The following ISLR2 variants were observed in gnomAD, a reference collection of about 807,000 sequenced individuals.
ISLR2 encodes the protein immunoglobulin superfamily containing leucine rich repeat 2.
Under a neutral mutation model 25.5 loss-of-function variants are expected in ISLR2, and 16 were observed. The ratio of observed to expected loss-of-function variants is 0.63; its 90% CI spans 0.43 to 0.95. ISLR2 has a LOEUF of 0.95. Among genes scored for constraint, ISLR2 ranks in the 40% least tolerant of loss-of-function variants. The pLI, the probability that ISLR2 is intolerant of heterozygous loss-of-function variation, is 0.00. For missense variants in ISLR2, 883 were observed against 1,030.7 expected, an observed-to-expected ratio of 0.86 and a Z score of 1.96; for synonymous variants, 508 against 486.6, an observed-to-expected ratio of 1.04 and a Z score of -0.58.
At chr15:74,108,235 C>G (rs1301201856) in intron 2 of ISLR2, among the ~76,000 whole-genome samples, 2 of 152,174 alleles carry the variant, frequency 1.3e-5, no homozygotes, top group African/African-American at 2.4e-5. Flanking sequence ...AAGGCTGAGG[C>G]CCAGCACACC....
chr15:74,104,880 CT>C (rs1227052752), intron 2 of ISLR2, among the ~76,000 whole-genome samples: 2 of 137,128 alleles, frequency 1.5e-5, no homozygotes, highest in South Asian at 5.3e-4. Context: ...GCCACTGCCC[CT>C]GGCCTTACAA....
chr15:74,129,090 A>G (rs1362049311), upstream of ISLR2: 4 of 456,084 alleles, frequency 8.8e-6, no homozygotes, highest in South Asian at 1.6e-5. The surrounding 1 kb of genome is among the most constrained non-coding windows in gnomAD (Gnocchi z 4.5). Flanking sequence ...CGCCCTCCCC[A>G]TGGGTCGGCG....
At position 74,132,722 on chromosome 15, in the gene ISLR2, T is replaced by C. The variant is rs747920163; in HGVS notation, c.-8-25T>C. 5 of 1,597,938 alleles carry C rather than the reference T, an allele frequency of 3.1e-6. No individual in the cohort carries two copies. In the East Asian group the frequency reaches 1.1e-4, roughly 36 times the overall value. The stretch of plus-strand genomic sequence containing the variant: ...GGGGTTCAGTGAGTCACCTTCTTTC[T>C]TCTTCACCTGGCTTCCATCTGCAGG... On this transcript the variant is annotated intron_variant, in intron 2 of 2. Coordinates refer to ENST00000453268, the MANE Select transcript of ISLR2 (RefSeq NM_020851.3). The surrounding 1 kb of genome is among the most constrained non-coding windows in gnomAD (Gnocchi z 4.3).
chr15:74,122,087 C>T (rs1221711138), intron 2 of ISLR2, among the ~76,000 whole-genome samples: 7 of 152,226 alleles, frequency 4.6e-5, no homozygotes, highest in Admixed American at 3.3e-4. Context: ...GCCTCAAGGG[C>T]CTCCTAATCA....
Position 74,134,038 on chromosome 15 carries a change from C to G in ISLR2, c.1284C>G (p.Leu428=). Residue 428 remains leucine, a synonymous_variant, in exon 3 of 3, where the codon CTC becomes CTG. Transcript: ENST00000453268. ...AAGGCCTGGCCAAGGTCAGCATTCT[C>G]GGGGAGACCGAGACGGAGCCGGAGG... ...KGQGLAKVSI[L]GETETEPEED... The G allele has an allele frequency of 4.3e-6, 7 of 1,613,520 alleles. No homozygotes were observed. The highest frequency in any genetic ancestry group is 5.1e-6 in the Non-Finnish European group (6 of 1,179,772).
At chr15:74,116,129 C>A (rs1313597905) in intron 2 of ISLR2, among the ~76,000 whole-genome samples, 2 of 151,570 alleles carry the variant, frequency 1.3e-5, no homozygotes, top group Admixed American at 6.6e-5. Context: ...TCCAGGAGGT[C>A]GAGGTTGCAG....
Position 74,134,239 on chromosome 15 carries a change from G to T in ISLR2, c.1485G>T (p.Glu495Asp). The T allele has an allele frequency of 6.3e-7, 1 of 1,589,814 alleles. No individual in the cohort carries two copies. The highest frequency in any genetic ancestry group is 8.6e-7 in the Non-Finnish European group (1 of 1,168,362). Residue 495 changes from glutamate (E) to aspartate (D), a missense_variant, in exon 3 of 3, where the codon GAG becomes GAT. Transcript: ENST00000453268. ...GCGTCATCGCGCTGGATGTGGCGGAGCGCGAGGCGCGGGTGCAGCTGACTC... is the reference window on the plus strand; with the variant it reads ...GCGTCATCGCGCTGGATGTGGCGGATCGCGAGGCGCGGGTGCAGCTGACTC... ...ELGVIALDVA[E>D]REARVQLTPL... is the part of the protein sequence containing the mutation.
rs2072463732 is a variant in ISLR2, at chr15:74,133,048, G to A, written c.294G>A (p.Leu98=). The change falls in exon 3 of 3, where the codon CTG becomes CTA. Residue 98 remains leucine, a synonymous_variant. Coordinates refer to ENST00000453268, the MANE Select transcript of ISLR2 (RefSeq NM_020851.3). The part of the protein sequence containing the change: ...RTVEPGALAV[L]SQLKNLDLSH... ...TGGAGCCAGGCGCACTGGCCGTGCT[G>A]AGTCAGCTCAAGAACCTCGATCTGA... is the stretch of plus-strand genomic sequence containing the variant. 1 of 1,613,012 alleles carries A rather than the reference G, an allele frequency of 6.2e-7. No homozygotes were observed. The highest frequency in any genetic ancestry group is 8.5e-7 in the Non-Finnish European group (1 of 1,179,984).
chr15:74,121,679 C>A (rs1043441207), intron 2 of ISLR2, among the ~76,000 whole-genome samples: 1 of 152,202 alleles, frequency 6.6e-6, no homozygotes, highest in Non-Finnish European at 1.5e-5. Context: ...AACCCCTGAT[C>A]TACCACTTTA....
Position 74,134,005 on chromosome 15 carries a change from C to G in ISLR2, c.1251C>G (p.Ile417Met). Residue 417 changes from isoleucine to methionine, a missense_variant, in exon 3 of 3, where the codon ATC becomes ATG. Physicochemically the swap from Ile to Met is conservative, Grantham distance 10 (BLOSUM62 1). This residue lies in a region of ISLR2 where 612 missense variants were observed against 642.8 expected (regional missense o/e 0.95). Coordinates refer to ENST00000453268, the MANE Select transcript of ISLR2 (RefSeq NM_020851.3). ...TGCCTTCCAAACCCGAGGGCAAAAT[C>G]AAAGGCCAAGGCCTGGCCAAGGTCA... ...SVLPSKPEGKIKGQGLAKVSI... is the reference protein window; with the variant it reads ...SVLPSKPEGKMKGQGLAKVSI... The G allele has an allele frequency of 1.2e-6, 2 of 1,612,856 alleles. No homozygotes were observed. The highest frequency in any genetic ancestry group is 1.7e-6 in the Non-Finnish European group (2 of 1,179,502).
At chr15:74,110,169 T>G (rs903268528) in intron 2 of ISLR2, among the ~76,000 whole-genome samples, 15 of 152,224 alleles carry the variant, frequency 9.9e-5, no homozygotes, top group Non-Finnish European at 1.5e-5. Flanking sequence ...CCACGTAAGA[T>G]ATCACTACAG....
At chr15:74,116,635 T>A (rs1048504597) in intron 2 of ISLR2, among the ~76,000 whole-genome samples, 5 of 152,222 alleles carry the variant, frequency 3.3e-5, no homozygotes, top group African/African-American at 1.2e-4. Flanking sequence ...TCCTATTTTC[T>A]TATTTTTTGA....
chr15:74,110,544 AC>A (rs1221174011), intron 2 of ISLR2, among the ~76,000 whole-genome samples: 7 of 152,116 alleles, frequency 4.6e-5, no homozygotes, highest in Non-Finnish European at 7.3e-5. Context: ...GGGACCAGGC[AC>A]GGTGGCTCAC....
At chr15:74,116,500 G>T (rs2072212321) in intron 2 of ISLR2, among the ~76,000 whole-genome samples, 1 of 152,100 alleles carries the variant, frequency 6.6e-6, no homozygotes, top group Admixed American at 6.5e-5. Flanking sequence ...CAGCAGGCCT[G>T]CACTCTTGAG....
intron 2 of ISLR2, among the ~76,000 whole-genome samples, chr15:74,114,612 CAAAAAA>C (rs879774202): frequency 7.8e-6 from 1 of 127,792 alleles, no homozygotes; most frequent in Non-Finnish European, 1.7e-5. Context: ...GATCCTGTCT[CAAAAAA>C]AAAAAAAAGA....
downstream of ISLR2, among the ~76,000 whole-genome samples, chr15:74,137,390 A>G (rs1233464018): frequency 6.6e-6 from 1 of 152,222 alleles, no homozygotes; most frequent in Non-Finnish European, 1.5e-5. Flanking sequence ...GCGAGCCGGC[A>G]CGTTTGGCCT....
Position 74,135,069 on chromosome 15 carries a change from C to A in ISLR2, c.*77C>A. 1 of 1,518,734 alleles carries A rather than the reference C, an allele frequency of 6.6e-7. No homozygotes were observed. Among genetic ancestry groups the A allele is most frequent in the African/African-American group, 1.4e-5 (1 of 72,676 alleles). The allele number at this position is 1,518,734 out of a possible 1,614,324, so 94.1% of individuals were successfully genotyped here. ...GAGCAGCAGTCTAGGGCTGGCAGGA[C>A]TTATGTCCCCCGTCCCCAACCTTCA... On this transcript the variant is annotated 3_prime_UTR_variant, in exon 3 of 3. Coordinates refer to ENST00000453268, the MANE Select transcript of ISLR2 (RefSeq NM_020851.3).
chr15:74,139,757 C>G (rs913185935), downstream of ISLR2, among the ~76,000 whole-genome samples: 3 of 152,248 alleles, frequency 2.0e-5, no homozygotes, highest in South Asian at 4.1e-4. Context: ...CTTTTTTGAG[C>G]CTTTCCTGTA....
Position 74,121,151 on chromosome 15 carries a change from G to A in ISLR2, n.229-10056G>A, listed in dbSNP as rs563115800. ...TTGATTGTCTCCTCTACCTGACAGG[G>A]TCACCCTGCTGGCTGCAGGCTGGAG... On this transcript the variant is annotated intron_variant and non_coding_transcript_variant, in intron 2 of 3. Coordinates refer to the ISLR2 transcript ENST00000561975. Among the ~76,000 whole-genome samples, 9 of 152,206 alleles carry A rather than the reference G, an allele frequency of 5.9e-5. 1 individual carries two copies. The South Asian group carries it at 1.2e-3, about 21-fold the overall frequency.
Sources: gnomAD v4.1 joint callset for allele counts (sites outside exome capture counted in the v4.1 genomes callset) on GRCh38, gnomAD v4.1.1 for gene constraint, gnomAD v4.1.1 regional missense constraint, Gnocchi (gnomAD v3.1) non-coding constraint, MANE v1.5 for transcripts, NCBI Gene and HGNC (gene_info 2026-07-23, HGNC 2026-07-21) for gene names.